TK2: variants seen among roughly 807,000 people sequenced by gnomAD.
The protein encoded by TK2 is thymidine kinase 2, mitochondrial.
A neutral mutation model predicts 41.9 loss-of-function variants in TK2; 35 were observed. That is an observed-to-expected ratio of 0.84 (90% CI 0.64 to 1.11). TK2 has a LOEUF of 1.11. Among genes scored for constraint, TK2 ranks in the 50% least tolerant of loss-of-function variants. The probability of loss-of-function intolerance (pLI) is 0.00; values close to 1 mark genes in which losing one functional copy is unlikely to be tolerated. For missense variants in TK2, 320 were observed against 351.1 expected (o/e 0.91, Z 0.71); for synonymous variants, 128 against 129.1 (o/e 0.99, Z 0.06).
chr16:66,523,707 T>A (rs1367603339), intron 6 of TK2, among the ~76,000 whole-genome samples: 1 of 152,054 alleles, frequency 6.6e-6, no homozygotes, highest in East Asian at 1.9e-4. Flanking sequence ...TGGGCGCCTG[T>A]AATCCCAGCT....
intron 2 of TK2, among the ~76,000 whole-genome samples, chr16:66,543,762 T>C (rs938308389): frequency 1.3e-5 from 2 of 152,032 alleles, no homozygotes; most frequent in Admixed American, 6.5e-5. Flanking sequence ...CCGACCCCAC[T>C]AAAGTCTCCC....
Position 66,510,241 on chromosome 16 carries a change from C to T in TK2, c.*1727G>A, listed in dbSNP as rs1419587016. On this transcript the variant is annotated 3_prime_UTR_variant, in exon 10 of 10. Transcript: ENST00000544898. ...AAAAAAAAAAAAAAGAGAGAGAAAT[C>T]ACATTTCCCCAAAAATGGATGTGCA... The T allele has an allele frequency of 6.8e-6, 1 of 147,240 alleles. No homozygotes were observed. The highest frequency in any genetic ancestry group is 1.5e-5 in the Non-Finnish European group (1 of 66,888). 9.1% of individuals were successfully genotyped at this position (147,240 alleles called of 1,614,324 possible). A position where few individuals can be genotyped will look rare whatever the true frequency, so the allele number is the denominator to read the frequency against.
intron 8 of TK2, 145 bp downstream of exon 8, chr16:66,516,991 T>G: frequency 1.2e-6 from 1 of 804,866 alleles, no homozygotes; most frequent in East Asian, 2.5e-5. Context: ...GAAGTCAGAG[T>G]TCACCCTCTG....
rs369551623 is a variant in TK2 at position 66,538,381 on chromosome 16, T to C, written c.232-1364A>G. Among the ~76,000 whole-genome samples, 34 of 151,928 alleles carry C rather than the reference T, an allele frequency of 2.2e-4. No individual in the cohort carries two copies. The South Asian group carries it at 6.5e-3, about 29-fold the overall frequency. ...CTTCCCCTGCCCCTCTCAAACCCCC[T>C]CTCCTTCTTCTAGGTCTTCTTCCTA... On this transcript the variant is annotated intron_variant, in intron 3 of 9. Coordinates refer to ENST00000544898, the MANE Select transcript of TK2 (RefSeq NM_004614.5).
At chr16:66,545,696 T>C (rs1381619845) in intron 2 of TK2, among the ~76,000 whole-genome samples, 1 of 152,066 alleles carries the variant, frequency 6.6e-6, no homozygotes, top group Non-Finnish European at 1.5e-5. Flanking sequence ...TGGTGGCACA[T>C]GACTGTAATC....
At chr16:66,541,286 C>T (rs8064139) in intron 3 of TK2, among the ~76,000 whole-genome samples, 9,349 of 152,132 alleles carry the variant, frequency 0.061, 953 homozygotes, top group African/African-American at 0.21. Context: ...GGATGCTCAA[C>T]CAGTATCATA....
In TK2 at chr16:66,540,029, C is replaced by T. The variant is rs555481498; in HGVS notation, c.231+1850G>A. Among the ~76,000 whole-genome samples the T allele has an allele frequency of 9.2e-5, 14 of 152,304 alleles. No homozygotes were observed. The South Asian group carries it at 2.7e-3, about 29-fold the overall frequency. ...GCCAAAGACCACCCTTGCAAGCAGG[C>T]ATTTCTAAAGGGCAGCAGTCTTAGG... On this transcript the variant is annotated intron_variant, in intron 3 of 9. Coordinates refer to ENST00000544898, the MANE Select transcript of TK2 (RefSeq NM_004614.5).
Position 66,510,207 on chromosome 16 carries a change from A to G in TK2, c.*1761T>C, listed in dbSNP as rs1964409741. On this transcript the variant is annotated 3_prime_UTR_variant, in exon 10 of 10. Coordinates refer to ENST00000544898, the MANE Select transcript of TK2 (RefSeq NM_004614.5). ...TCAGGACCTCTTGAGATTGTGCCTT[A>G]GGCAAAAAAAAAAAAAAAAAAAGAG... The G allele has an allele frequency of 8.0e-6, 1 of 125,244 alleles. No individual in the cohort carries two copies. Among genetic ancestry groups the G allele is most frequent in the South Asian group, 3.5e-4 (1 of 2,890 alleles). 7.8% of individuals were successfully genotyped at this position (125,244 alleles called of 1,614,324 possible). A position where few individuals can be genotyped will look rare whatever the true frequency, so the allele number is the denominator to read the frequency against.
Position 66,548,950 on chromosome 16 carries a change from A to G in TK2, c.156+28T>C, listed in dbSNP as rs751624767. 6 of 1,604,966 alleles carry G rather than the reference A, an allele frequency of 3.7e-6. No homozygotes were observed. The Admixed American group carries it at 8.3e-5, about 22-fold the overall frequency. ...CCTCTTCAAAAAACCAAATTATCCT[A>G]GAGAGTACACATAAAAGAGGGACTT... On this transcript the variant is annotated intron_variant, in intron 2 of 9. Coordinates refer to ENST00000544898, the MANE Select transcript of TK2 (RefSeq NM_004614.5).
Position 66,517,613 on chromosome 16 carries a change from G to A in TK2, c.538+176C>T, listed in dbSNP as rs1053164696. ...AAGGCCAGGGTTCTTCTCCATGAGA[G>A]ACCAGAAGTCCCGAATTCTGTCTGC... On this transcript the variant is annotated intron_variant, in intron 7 of 9. Coordinates refer to ENST00000544898, the MANE Select transcript of TK2 (RefSeq NM_004614.5). The surrounding 1 kb of genome is among the most constrained non-coding windows in gnomAD (Gnocchi z 4.3). 1.3e-5 allele frequency among the ~76,000 whole-genome samples: 2 copies of A among 152,228 alleles called. No homozygotes were observed. The highest frequency in any genetic ancestry group is 4.8e-5 in the African/African-American group (2 of 41,460).
At position 66,511,004 on chromosome 16, in the gene TK2, T is replaced by C. The variant is rs1026058307; in HGVS notation, c.*964A>G. On this transcript the variant is annotated 3_prime_UTR_variant, in exon 10 of 10. Coordinates refer to ENST00000544898, the MANE Select transcript of TK2 (RefSeq NM_004614.5). ...TCTCTCTTGGGCCACAGACTTTCAG[T>C]AATTCCAAGAGCAAAGCTCCTTATA... 1 of 152,160 alleles carries C rather than the reference T, an allele frequency of 6.6e-6. No homozygotes were observed. The highest frequency in any genetic ancestry group is 1.5e-5 in the Non-Finnish European group (1 of 68,032). 9.4% of individuals were successfully genotyped at this position (152,160 alleles called of 1,614,324 possible).
chr16:66,539,981 A>G (rs982499684), intron 3 of TK2, among the ~76,000 whole-genome samples: 1 of 152,158 alleles, frequency 6.6e-6, no homozygotes, highest in Non-Finnish European at 1.5e-5. Context: ...GGGCCCTCCC[A>G]AGATCTAAGT....
At chr16:66,543,563 G>A (rs1965519835) in intron 2 of TK2, among the ~76,000 whole-genome samples, 1 of 152,136 alleles carries the variant, frequency 6.6e-6, no homozygotes, top group South Asian at 2.1e-4. Flanking sequence ...GCTGCACAGA[G>A]GCCTGTTCCT....
chr16:66,532,742 AAG>A (rs1436700057), intron 4 of TK2, among the ~76,000 whole-genome samples: 1 of 152,198 alleles, frequency 6.6e-6, no homozygotes, highest in East Asian at 1.9e-4. Flanking sequence ...CACACAAAAA[AAG>A]AGATATTCAA....
intron 6 of TK2, chr16:66,518,186 A>AGTGC: frequency 5.0e-6 from 2 of 401,716 alleles, no homozygotes; most frequent in Non-Finnish European, 9.4e-6. Flanking sequence ...GAACAGAGAC[A>AGTGC]GTGCTCAGGT....
At chr16:66,529,115 AG>A in intron 5 of TK2, 48 bp from the exon 6 acceptor site, 1 of 1,571,478 alleles carries the variant, frequency 6.4e-7, no homozygotes, top group Non-Finnish European at 8.8e-7. Context: ...AAAAGGAGAC[AG>A]CCAGGAGGCC....
intron 6 of TK2, among the ~76,000 whole-genome samples, chr16:66,519,265 G>A (rs909262566): frequency 3.9e-5 from 6 of 152,032 alleles, no homozygotes; most frequent in African/African-American, 7.2e-5. Context: ...AGCAATCTCC[G>A]CCTCCTAGGT....
chr16:66,521,765 C>T (rs990207637), intron 6 of TK2, among the ~76,000 whole-genome samples: 6 of 152,176 alleles, frequency 3.9e-5, no homozygotes, highest in South Asian at 2.1e-4. Flanking sequence ...ACAGAATGCA[C>T]GGAGAGCAAT....
chr16:66,510,890 G>A lies in TK2; in HGVS notation c.*1078C>T, dbSNP rs978804657. 1.3e-5 allele frequency: 2 copies of A among 152,110 alleles called. No homozygotes were observed. Among genetic ancestry groups the A allele is most frequent in the African/African-American group, 4.8e-5 (2 of 41,408 alleles). 9.4% of individuals were successfully genotyped at this position (152,110 alleles called of 1,614,324 possible). On this transcript the variant is annotated 3_prime_UTR_variant, in exon 10 of 10. Transcript: ENST00000544898. Reference sequence around the variant, plus strand: ...GCTGAGTGAAGCTAAGGTATTTTCTGAGCCAACAAAGATGATTTCAGGCTC... The same window carrying A: ...GCTGAGTGAAGCTAAGGTATTTTCTAAGCCAACAAAGATGATTTCAGGCTC...
Sources: gnomAD v4.1 joint callset for allele counts (sites outside exome capture counted in the v4.1 genomes callset) on GRCh38, gnomAD v4.1.1 for gene constraint, Gnocchi (gnomAD v3.1) non-coding constraint, MANE v1.5 for transcripts, NCBI Gene and HGNC (gene_info 2026-07-23, HGNC 2026-07-21) for gene names.